The following NTM variants were observed in gnomAD, a reference collection of about 807,000 sequenced individuals.
NTM encodes the protein neurotrimin.
A neutral mutation model predicts 42.1 loss-of-function variants in NTM; 13 were observed. The observed-to-expected ratio is 0.31, with a 90% confidence interval of 0.20 to 0.49. NTM has a LOEUF of 0.49. Ranked by LOEUF, NTM falls within the 20% of genes least tolerant of loss-of-function variation. NTM has a pLI of 0.99. For missense variants in NTM, 373 were observed against 452.8 expected, an observed-to-expected ratio of 0.82 and a Z score of 1.60; for synonymous variants, 187 against 179.2, an observed-to-expected ratio of 1.04 and a Z score of -0.35.
At chr11:132,102,423 A>G (rs2061736238) in intron 2 of NTM, among the ~76,000 whole-genome samples, 1 of 152,308 alleles carries the variant, frequency 6.6e-6, no homozygotes, top group East Asian at 1.9e-4. Context: ...GCTGGGGCAT[A>G]CATTATGTCA....
At chr11:132,071,033 A>T in intron 2 of NTM, among the ~76,000 whole-genome samples, 1 of 140,642 alleles carries the variant, frequency 7.1e-6, no homozygotes. Context: ...TTAACACGTC[A>T]CTCAGCCAAG....
At position 132,213,959 on chromosome 11, in the gene NTM, C is replaced by T. The variant is rs2083353583; in HGVS notation, c.526+1812C>T. The stretch of plus-strand genomic sequence containing the variant: ...CCGTTTTAGCTGGGATGGTCTCGAT[C>T]TCCTGACCTCGTGATCCGCCCGCCT... On this transcript the variant is annotated intron_variant, in intron 4 of 8. Transcript: ENST00000683400. Among the ~76,000 whole-genome samples, 2 of 62,966 alleles carry T rather than the reference C, an allele frequency of 3.2e-5. 1 individual carries two copies. Among genetic ancestry groups the T allele is most frequent in the African/African-American group, 9.6e-5 (2 of 20,916 alleles). The allele number at this position is 62,966 out of a possible 152,430, so 41.3% of individuals were successfully genotyped here. A position where few individuals can be genotyped will look rare whatever the true frequency, so the allele number is the denominator to read the frequency against.
intron 4 of NTM, among the ~76,000 whole-genome samples, chr11:132,297,334 A>C (rs2094649743): frequency 1.3e-5 from 2 of 152,282 alleles, no homozygotes; most frequent in African/African-American, 2.4e-5. Context: ...ATCACTAATA[A>C]ATGGGATTCT....
intron 1 of NTM, among the ~76,000 whole-genome samples, chr11:131,408,786 A>G (rs555305876): frequency 6.6e-6 from 1 of 152,308 alleles, no homozygotes; most frequent in South Asian, 2.1e-4. Context: ...CAGACATCAC[A>G]TCGGCACTCA....
chr11:131,591,021 C>G (rs906142163), intron 1 of NTM, among the ~76,000 whole-genome samples: 1 of 152,220 alleles, frequency 6.6e-6, no homozygotes, highest in Non-Finnish European at 1.5e-5. Flanking sequence ...GAGCAGCAAG[C>G]AGGCTGGATG....
chr11:131,608,480 T>A (rs1487437492), intron 1 of NTM, among the ~76,000 whole-genome samples: 2 of 151,954 alleles, frequency 1.3e-5, no homozygotes, highest in Non-Finnish European at 2.9e-5. Context: ...GAAAGAAAGT[T>A]CTTTTTTTTG....
intron 1 of NTM, among the ~76,000 whole-genome samples, chr11:131,578,227 C>T (rs1435855658): frequency 1.3e-5 from 2 of 152,086 alleles, no homozygotes; most frequent in Admixed American, 1.3e-4. Flanking sequence ...TGGGCCATAT[C>T]TAAGATAATG....
At chr11:131,499,334 G>A (rs1410199290) in intron 1 of NTM, among the ~76,000 whole-genome samples, 2 of 152,152 alleles carry the variant, frequency 1.3e-5, no homozygotes, top group South Asian at 2.1e-4. Context: ...TGATATAAGT[G>A]TAATGATGAC....
chr11:131,807,532 T>G (rs2136282404), intron 1 of NTM, among the ~76,000 whole-genome samples: 1 of 152,340 alleles, frequency 6.6e-6, no homozygotes, highest in South Asian at 2.1e-4. Context: ...AATTATATTA[T>G]TTGTGCTTGG....
chr11:131,789,630 AG>A (rs2090450778), intron 1 of NTM, among the ~76,000 whole-genome samples: 3 of 86,944 alleles, frequency 3.5e-5, no homozygotes, highest in Admixed American at 1.2e-4. Context: ...AAGAAGAAGA[AG>A]AAGAAAAGAA....
intron 4 of NTM, among the ~76,000 whole-genome samples, chr11:132,234,869 T>C (rs1393307254): frequency 6.6e-6 from 1 of 152,194 alleles, no homozygotes; most frequent in East Asian, 1.9e-4. Flanking sequence ...TATGTGTTTG[T>C]GTCAATCTTG....
At chr11:131,790,547 T>C (rs1259310301) in intron 1 of NTM, among the ~76,000 whole-genome samples, 1 of 152,192 alleles carries the variant, frequency 6.6e-6, no homozygotes, top group Non-Finnish European at 1.5e-5. Context: ...ATCCCATGTA[T>C]TCAGCCCCTT....
chr11:132,056,744 A>G (rs1159258486), intron 2 of NTM, among the ~76,000 whole-genome samples: 1 of 152,180 alleles, frequency 6.6e-6, no homozygotes, highest in Non-Finnish European at 1.5e-5. Context: ...TTCTTCATTT[A>G]GCCTGCCCCT....
intron 5 of NTM, among the ~76,000 whole-genome samples, chr11:132,308,131 C>T (rs2140187792): frequency 6.6e-6 from 1 of 152,252 alleles, no homozygotes; most frequent in South Asian, 2.1e-4. Flanking sequence ...GTCTTCAAAT[C>T]CAAAATTTTC....
At chr11:131,877,208 C>T (rs1259727583) in intron 1 of NTM, among the ~76,000 whole-genome samples, 1 of 152,122 alleles carries the variant, frequency 6.6e-6, no homozygotes, top group East Asian at 1.9e-4. Context: ...GGGATTGTGC[C>T]CAGCTCCCTG....
At chr11:132,224,771 G>A (rs2085861525) in intron 4 of NTM, among the ~76,000 whole-genome samples, 1 of 152,228 alleles carries the variant, frequency 6.6e-6, no homozygotes, top group Non-Finnish European at 1.5e-5. Context: ...GTAGGGCTTA[G>A]AGATATGTTG....
intron 2 of NTM, among the ~76,000 whole-genome samples, chr11:131,930,642 T>C (rs2058490264): frequency 6.6e-6 from 1 of 152,158 alleles, no homozygotes; most frequent in South Asian, 2.1e-4. Context: ...CCACCTATTC[T>C]CTACCCTTTC....
intron 1 of NTM, among the ~76,000 whole-genome samples, chr11:131,594,058 A>G (rs775292346): frequency 6.6e-6 from 1 of 152,232 alleles, no homozygotes; most frequent in Non-Finnish European, 1.5e-5. Flanking sequence ...TCTGAGGAAC[A>G]TGGATGATTG....
chr11:131,910,441 G>A (rs1336989951), intron 1 of NTM, among the ~76,000 whole-genome samples: 1 of 151,452 alleles, frequency 6.6e-6, no homozygotes. Context: ...GGCCCGGCGC[G>A]GCGGGGGTTA....
Sources: gnomAD v4.1 joint callset for allele counts (sites outside exome capture counted in the v4.1 genomes callset) on GRCh38, gnomAD v4.1.1 for gene constraint, MANE v1.5 for transcripts, NCBI Gene and HGNC (gene_info 2026-07-23, HGNC 2026-07-21) for gene names.